Variants in KHDRBS2 observed in about 807,000 individuals in gnomAD.
KHDRBS2 encodes the protein KH domain-containing, RNA-binding, signal transduction-associated protein 2.
In KHDRBS2, 26 loss-of-function variants were observed where a neutral mutation model predicts 44.3. The observed-to-expected ratio is 0.59, with a 90% CI of 0.43 to 0.81. The LOEUF (loss-of-function observed/expected upper bound fraction) is 0.81. Ranked by LOEUF, KHDRBS2 falls within the 40% of genes least tolerant of loss-of-function variation. The pLI is 0.00. For synonymous variants in KHDRBS2, 194 were observed against 151.1 expected (o/e 1.28, Z -2.08); for missense variants, 476 against 433.1 (o/e 1.10, Z -0.88).
At chr6:61,990,336 G>A (rs1775891316) in intron 3 of KHDRBS2, among the ~76,000 whole-genome samples, 1 of 152,092 alleles carries the variant, frequency 6.6e-6, no homozygotes, top group South Asian at 2.1e-4. Context: ...AGTTAATATG[G>A]CAATAATAAT....
chr6:61,739,305 ATTT>A (rs1282030595), intron 6 of KHDRBS2, among the ~76,000 whole-genome samples: 3 of 151,996 alleles, frequency 2.0e-5, no homozygotes, highest in Non-Finnish European at 4.4e-5. Context: ...CATGACTGTT[ATTT>A]GACATTTTTA....
chr6:61,739,714 T>C (rs535319222), intron 6 of KHDRBS2, among the ~76,000 whole-genome samples: 53 of 152,044 alleles, frequency 3.5e-4, no homozygotes, highest in African/African-American at 1.2e-3. Context: ...TCAATATCTG[T>C]AGTGTAAAAA....
chr6:61,732,802 T>A, intron 6 of KHDRBS2, 38 bp from the exon 7 acceptor site: 1 of 1,005,638 alleles, frequency 9.9e-7, no homozygotes, highest in Non-Finnish European at 1.6e-6. Flanking sequence ...TGTTAGTCAA[T>A]TTGATTAACT....
At chr6:61,931,544 A>C (rs773177250) in intron 4 of KHDRBS2, among the ~76,000 whole-genome samples, 7 of 152,130 alleles carry the variant, frequency 4.6e-5, no homozygotes, top group Non-Finnish European at 1.0e-4. Context: ...TCAAAGAAGA[A>C]TTTAAGTGGT....
At chr6:61,848,725 C>G (rs972194144) in intron 6 of KHDRBS2, among the ~76,000 whole-genome samples, 17 of 149,146 alleles carry the variant, frequency 1.1e-4, no homozygotes, top group Admixed American at 6.1e-4. Flanking sequence ...CCTCGAAATA[C>G]TGCAATCACA....
chr6:61,917,369 T>C (rs1451511032), intron 4 of KHDRBS2, among the ~76,000 whole-genome samples: 1 of 151,944 alleles, frequency 6.6e-6, no homozygotes, highest in Non-Finnish European at 1.5e-5. Flanking sequence ...CTTAAATGTA[T>C]ATATCAAGTG....
intron 2 of KHDRBS2, among the ~76,000 whole-genome samples, chr6:62,048,949 C>T (rs1788361230): frequency 6.6e-6 from 1 of 151,756 alleles, no homozygotes; most frequent in Admixed American, 6.6e-5. Context: ...CTTCTCTTTT[C>T]TTTTCTTTTC....
At chr6:62,028,552 G>T (rs1178951089) in intron 3 of KHDRBS2, among the ~76,000 whole-genome samples, 3 of 151,994 alleles carry the variant, frequency 2.0e-5, no homozygotes, top group East Asian at 3.9e-4. Context: ...TATATAATTA[G>T]ATATGAACCA....
At chr6:61,935,180 AAGAGGGAGT>A in intron 4 of KHDRBS2, among the ~76,000 whole-genome samples, 1 of 152,322 alleles carries the variant, frequency 6.6e-6, no homozygotes, top group East Asian at 1.9e-4. Context: ...CGACATTTAA[AAGAGGGAGT>A]AGAGGGCATG....
At chr6:61,696,221 T>C (rs1488780884) in intron 8 of KHDRBS2, among the ~76,000 whole-genome samples, 3 of 147,852 alleles carry the variant, frequency 2.0e-5, no homozygotes, top group East Asian at 1.9e-4. Flanking sequence ...GGTCAGCTAG[T>C]GATGCCATAT....
At chr6:61,621,430 G>A in the KHDRBS2 span, among the ~76,000 whole-genome samples, 1 of 152,192 alleles carries the variant, frequency 6.6e-6, no homozygotes, top group Non-Finnish European at 1.5e-5. Flanking sequence ...CTTTTTGGTA[G>A]CTTAGAAAGA....
At chr6:61,880,264 C>G (rs1204977890) in intron 6 of KHDRBS2, among the ~76,000 whole-genome samples, 1 of 151,602 alleles carries the variant, frequency 6.6e-6, no homozygotes, top group Non-Finnish European at 1.5e-5. Context: ...TTATAATAGC[C>G]CTGTAAAAAC....
chr6:61,576,704 G>A, the KHDRBS2 span, among the ~76,000 whole-genome samples: 29 of 152,010 alleles, frequency 1.9e-4, no homozygotes, highest in African/African-American at 6.3e-4. Context: ...TATATGCTTC[G>A]ATAAATTTTA....
intron 6 of KHDRBS2, among the ~76,000 whole-genome samples, chr6:61,752,913 A>G (rs1339988009): frequency 6.6e-6 from 1 of 152,122 alleles, no homozygotes; most frequent in African/African-American, 2.4e-5. Flanking sequence ...ACACTGTTTG[A>G]ATGAGAGGAT....
chr6:61,564,339 G>C, the KHDRBS2 span, among the ~76,000 whole-genome samples: 1 of 151,924 alleles, frequency 6.6e-6, no homozygotes, highest in Non-Finnish European at 1.5e-5. Flanking sequence ...AGAACAAACT[G>C]GGCAGAAATC....
the KHDRBS2 span, among the ~76,000 whole-genome samples, chr6:61,563,126 C>A: frequency 1.3e-5 from 2 of 152,114 alleles, no homozygotes; most frequent in African/African-American, 4.8e-5. Flanking sequence ...AGCTATCTTT[C>A]TCCTCTACCA....
At chr6:62,217,021 T>A (rs1830120550) in intron 1 of KHDRBS2, among the ~76,000 whole-genome samples, 3 of 144,806 alleles carry the variant, frequency 2.1e-5, no homozygotes, top group African/African-American at 2.5e-5. Flanking sequence ...AAAGAGATGA[T>A]CTGATTAAAA....
At chr6:62,087,568 G>A (rs1045972814) in intron 2 of KHDRBS2, among the ~76,000 whole-genome samples, 4 of 152,154 alleles carry the variant, frequency 2.6e-5, no homozygotes, top group Non-Finnish European at 4.4e-5. Context: ...CAAATAGGAT[G>A]AGATGGTTCC....
intron 6 of KHDRBS2, among the ~76,000 whole-genome samples, chr6:61,773,732 G>A (rs1460575708): frequency 6.6e-6 from 1 of 151,818 alleles, no homozygotes; most frequent in Admixed American, 6.6e-5. Flanking sequence ...CCTATGTCCT[G>A]AATGGTAATG....
Sources: allele counts gnomAD v4.1 joint callset (sites outside exome capture counted in the v4.1 genomes callset), GRCh38; gene constraint gnomAD v4.1.1; transcripts MANE v1.5; gene names NCBI Gene and HGNC (gene_info 2026-07-23, HGNC 2026-07-21).